The following SKIC3 variants were observed in gnomAD, a reference collection of about 807,000 sequenced individuals.
SKIC3 encodes the protein SKI3 subunit of superkiller complex.
At chr5:95,508,680 C>T in the SKIC3 span, among the ~76,000 whole-genome samples, 1 of 152,212 alleles carries the variant, frequency 6.6e-6, no homozygotes, top group Non-Finnish European at 1.5e-5. Context: ...TTAGCAATTA[C>T]TATCATCACA....
chr5:95,477,099 T>C, the SKIC3 span, among the ~76,000 whole-genome samples: 1 of 152,248 alleles, frequency 6.6e-6, no homozygotes, highest in African/African-American at 2.4e-5. Context: ...ATAGGTACTA[T>C]GTGCAGCTTC....
At chr5:95,513,298 C>T in the SKIC3 span, 1 of 410,898 alleles carries the variant, frequency 2.4e-6, no homozygotes, top group Non-Finnish European at 4.5e-6. Flanking sequence ...TCCTGAAACT[C>T]CAGGACTCAA....
At chr5:95,544,234 T>G in the SKIC3 span, among the ~76,000 whole-genome samples, 1 of 152,130 alleles carries the variant, frequency 6.6e-6, no homozygotes, top group African/African-American at 2.4e-5. Context: ...TCAGGCCTCA[T>G]AGCACCTGCT....
the SKIC3 span, among the ~76,000 whole-genome samples, chr5:95,524,816 T>C: frequency 2.0e-5 from 3 of 152,150 alleles, no homozygotes; most frequent in Non-Finnish European, 4.4e-5. Flanking sequence ...AGCACTACCA[T>C]GTGCTAAGTG....
the SKIC3 span, chr5:95,517,355 T>A: frequency 6.3e-7 from 1 of 1,599,938 alleles, no homozygotes; most frequent in Non-Finnish European, 8.5e-7. Context: ...TCTTACAAAT[T>A]ATTTATAAAA....
At chr5:95,532,048 C>T in the SKIC3 span, among the ~76,000 whole-genome samples, 1 of 152,088 alleles carries the variant, frequency 6.6e-6, no homozygotes, top group African/African-American at 2.4e-5. Context: ...TATCTTTTAT[C>T]TCTACCCATC....
the SKIC3 span, among the ~76,000 whole-genome samples, chr5:95,509,933 C>A: frequency 6.6e-6 from 1 of 152,100 alleles, no homozygotes; most frequent in African/African-American, 2.4e-5. Context: ...ACATTTTATG[C>A]CCAAAGGTAT....
At chr5:95,498,751 G>A in the SKIC3 span, among the ~76,000 whole-genome samples, 3 of 151,410 alleles carry the variant, frequency 2.0e-5, no homozygotes, top group Non-Finnish European at 2.9e-5. Flanking sequence ...TCAGCCTCCC[G>A]AGTAGCTGGG....
the SKIC3 span, chr5:95,523,772 G>C: frequency 6.2e-7 from 1 of 1,613,342 alleles, no homozygotes; most frequent in African/African-American, 1.3e-5. Context: ...CTCCCACTAC[G>C]TCTCTATAAT....
the SKIC3 span, among the ~76,000 whole-genome samples, chr5:95,535,391 A>G: frequency 1.4e-5 from 2 of 145,474 alleles, no homozygotes; most frequent in Non-Finnish European, 3.0e-5. Flanking sequence ...GCTCACTGCA[A>G]CCTCCGCCTC....
chr5:95,499,227 G>C, the SKIC3 span, among the ~76,000 whole-genome samples: 27 of 152,156 alleles, frequency 1.8e-4, no homozygotes, highest in African/African-American at 5.8e-4. Context: ...GGTCTAGTGG[G>C]AGGTGATTGG....
the SKIC3 span, among the ~76,000 whole-genome samples, chr5:95,501,010 T>A: frequency 6.6e-6 from 1 of 152,148 alleles, no homozygotes; most frequent in Non-Finnish European, 1.5e-5. Context: ...ATAGTAACTC[T>A]TTTTACAATA....
At chr5:95,523,354 A>G in the SKIC3 span, 1 of 1,587,176 alleles carries the variant, frequency 6.3e-7, no homozygotes, top group Non-Finnish European at 8.6e-7. Context: ...CTAATATTAG[A>G]TATATTGAAC....
the SKIC3 span, among the ~76,000 whole-genome samples, chr5:95,488,906 A>G: frequency 0.048 from 7,334 of 152,330 alleles, 228 homozygotes; most frequent in East Asian, 0.11. Context: ...ACACACATCA[A>G]TGACAACCTT....
chr5:95,488,550 A>G, the SKIC3 span, among the ~76,000 whole-genome samples: 1 of 152,216 alleles, frequency 6.6e-6, no homozygotes, highest in Non-Finnish European at 1.5e-5. Flanking sequence ...GAAAAGAAAA[A>G]AACTGTCAGC....
the SKIC3 span, chr5:95,523,642 T>C: frequency 1.2e-6 from 2 of 1,612,762 alleles, no homozygotes; most frequent in South Asian, 1.1e-5. Context: ...GCAAAAGTGA[T>C]TATTAGACAT....
At chr5:95,466,775 A>G in the SKIC3 span, among the ~76,000 whole-genome samples, 1 of 152,238 alleles carries the variant, frequency 6.6e-6, no homozygotes, top group Admixed American at 6.5e-5. Flanking sequence ...TCTTTAAAAA[A>G]GAAAAGGAAT....
chr5:95,498,552 G>A, the SKIC3 span: 2 of 1,614,192 alleles, frequency 1.2e-6, no homozygotes, highest in Non-Finnish European at 8.5e-7. Flanking sequence ...GAGCACACAG[G>A]GCTTGAAGGC....
the SKIC3 span, among the ~76,000 whole-genome samples, chr5:95,491,879 G>T: frequency 2.7e-3 from 406 of 151,832 alleles, 1 homozygote; most frequent in Middle Eastern, 0.014. Flanking sequence ...TCTCACAAGG[G>T]GGTGCTAGTT....
Sources: gnomAD v4.1 joint callset for allele counts (sites outside exome capture counted in the v4.1 genomes callset) on GRCh38, gnomAD v4.1.1 for gene constraint, MANE v1.5 for transcripts, NCBI Gene and HGNC (gene_info 2026-07-23, HGNC 2026-07-21) for gene names.